Variants in CARS1 observed in about 807,000 individuals in gnomAD.
The protein encoded by CARS1 is cysteinyl-tRNA synthetase 1.
Under a neutral mutation model 106.2 loss-of-function variants are expected in CARS1, and 48 were observed. That is an observed-to-expected ratio of 0.45 (90% CI 0.36 to 0.57). CARS1 has a LOEUF of 0.57. CARS1 is among the 20% of genes least tolerant of loss of function. The probability of loss-of-function intolerance (pLI) is 0.00; values close to 1 mark genes in which losing one functional copy is unlikely to be tolerated. For missense variants in CARS1, 968 were observed against 1,057.2 expected (o/e 0.92, Z 1.17); for synonymous variants, 409 against 403.4 (o/e 1.01, Z -0.17).
In CARS1 at chr11:3,028,363, T is replaced by C. The variant is rs900867967; in HGVS notation, c.1031+633A>G. ...CCGGGCCCAGCTGTCTTCTCTTTTA[T>C]CTCTTTGTCTTGTGTCTTTATTTCT... On this transcript the variant is annotated intron_variant, in intron 9 of 22. Coordinates refer to ENST00000380525, the MANE Select transcript of CARS1 (RefSeq NM_001014437.3). This position sits in a 1 kb window ranked among gnomAD's most constrained non-coding sequence, Gnocchi z 4.4. 1.4e-5 allele frequency: 6 copies of C among 435,338 alleles called. No individual in the cohort carries two copies. The East Asian group carries it at 2.1e-4, about 15-fold the overall frequency. 27.0% of individuals were successfully genotyped at this position (435,338 alleles called of 1,614,324 possible). A position where few individuals can be genotyped will look rare whatever the true frequency, so the allele number is the denominator to read the frequency against.
At chr11:3,009,830 G>A (rs571159644) in intron 18 of CARS1, among the ~76,000 whole-genome samples, 4 of 152,214 alleles carry the variant, frequency 2.6e-5, no homozygotes, top group Non-Finnish European at 2.9e-5. Flanking sequence ...CCCTGAGCTT[G>A]TTATACACTC....
intron 18 of CARS1, among the ~76,000 whole-genome samples, chr11:3,010,768 TCCTCCGCCTCTCGGCC>T (rs1309016197): frequency 6.6e-6 from 1 of 152,222 alleles, no homozygotes; most frequent in African/African-American, 2.4e-5. Flanking sequence ...CAGATTCGGC[TCCTCCGCCTCTCGGCC>T]CCTCCACCCA....
At chr11:3,042,501 T>G (rs1256546201) in intron 2 of CARS1, among the ~76,000 whole-genome samples, 1 of 151,450 alleles carries the variant, frequency 6.6e-6, no homozygotes, top group Non-Finnish European at 1.5e-5. Context: ...CTCGGCTCAC[T>G]GCAAGCTCTG....
At position 3,022,216 on chromosome 11, in the gene CARS1, C is replaced by G. The variant is rs1851631638; in HGVS notation, c.1154-1884G>C. Among the ~76,000 whole-genome samples, 1 of 152,222 alleles carries G rather than the reference C, an allele frequency of 6.6e-6. No homozygotes were observed. Among genetic ancestry groups the G allele is most frequent in the Non-Finnish European group, 1.5e-5 (1 of 68,044 alleles). On this transcript the variant is annotated intron_variant, in intron 10 of 22. Coordinates refer to ENST00000380525, the MANE Select transcript of CARS1 (RefSeq NM_001014437.3). This position sits in a 1 kb window ranked among gnomAD's most constrained non-coding sequence, Gnocchi z 4.9. ...TGTTCCTAGCGATAGAATCTCTAAC[C>G]CTGGACCTTTTTACCAAGAACTGCT...
Position 3,039,112 on chromosome 11 carries a change from T to C in CARS1, c.651+82A>G, listed in dbSNP as rs1854071493. On this transcript the variant is annotated intron_variant, in intron 6 of 22. Transcript: ENST00000380525. This position sits in a 1 kb window ranked among gnomAD's most constrained non-coding sequence, Gnocchi z 5.6. ...TTGTGAAAGCCTGTGAGACTGACACTACCCTAGGGACAGTAGCCTACAAAG... is the reference window on the plus strand; with the variant it reads ...TTGTGAAAGCCTGTGAGACTGACACCACCCTAGGGACAGTAGCCTACAAAG... The C allele has an allele frequency of 2.4e-6, 2 of 847,762 alleles. No homozygotes were observed. The highest frequency in any genetic ancestry group is 1.7e-5 in the African/African-American group (1 of 58,938). 52.5% of individuals were successfully genotyped at this position (847,762 alleles called of 1,614,324 possible).
At position 3,048,237 on chromosome 11, in the gene CARS1, G is replaced by A; in HGVS notation, c.26-236C>T. ...CCTCTTGGGTGATGAAAATGCTTTG[G>A]AACTAGACAGAAATGAAGGCTGCAT... On this transcript the variant is annotated intron_variant, in intron 1 of 22. Coordinates refer to ENST00000380525, the MANE Select transcript of CARS1 (RefSeq NM_001014437.3). This position sits in a 1 kb window ranked among gnomAD's most constrained non-coding sequence, Gnocchi z 5.1. 1 of 490,974 alleles carries A rather than the reference G, an allele frequency of 2.0e-6. No homozygotes were observed. The highest frequency in any genetic ancestry group is 3.3e-5 in the South Asian group (1 of 30,030). 30.4% of individuals were successfully genotyped at this position (490,974 alleles called of 1,614,324 possible). A position where few individuals can be genotyped will look rare whatever the true frequency, so the allele number is the denominator to read the frequency against.
At chr11:3,011,325 G>A (rs889459028) in intron 18 of CARS1, among the ~76,000 whole-genome samples, 1 of 152,170 alleles carries the variant, frequency 6.6e-6, no homozygotes, top group Non-Finnish European at 1.5e-5. Context: ...TGAAGGAATG[G>A]CCAGGCGCGG....
rs1348950635 is a variant in CARS1, at chr11:3,028,550, GTGTATGATGGA to G, written c.1031+435_1031+445del. The stretch of plus-strand genomic sequence containing the variant: ...GATTGAGACAATACGGGCCAGGGAA[GTGTATGATGGA>G]TTTGCCAACAAAAAGTCACTAAAAT... On this transcript the variant is annotated intron_variant, in intron 9 of 22. Coordinates refer to ENST00000380525, the MANE Select transcript of CARS1 (RefSeq NM_001014437.3). This position sits in a 1 kb window ranked among gnomAD's most constrained non-coding sequence, Gnocchi z 4.4. 14 of 240,218 alleles carry G rather than the reference GTGTATGATGGA, an allele frequency of 5.8e-5. No homozygotes were observed. Among genetic ancestry groups the G allele is most frequent in the Non-Finnish European group, 3.9e-5 (5 of 126,650 alleles). The allele number at this position is 240,218 out of a possible 1,614,324, so 14.9% of individuals were successfully genotyped here.
rs1855813818 is a variant in CARS1, at chr11:3,052,653, C to T, written c.26-4652G>A. 6.6e-6 allele frequency among the ~76,000 whole-genome samples: 1 copy of T among 152,044 alleles called. No individual in the cohort carries two copies. The highest frequency in any genetic ancestry group is 1.5e-5 in the Non-Finnish European group (1 of 68,010). ...TCTCAGAGCAGAAAGGTGCTGGTGC[C>T]CAGGGAAGCACAGGAGAATGACAGG... On this transcript the variant is annotated intron_variant, in intron 1 of 22. Transcript: ENST00000380525. The surrounding 1 kb of genome is among the most constrained non-coding windows in gnomAD (Gnocchi z 4.6).
chr11:3,054,722 C>G (rs1412754640), intron 1 of CARS1, among the ~76,000 whole-genome samples: 2 of 152,238 alleles, frequency 1.3e-5, no homozygotes, highest in African/African-American at 4.8e-5. Flanking sequence ...CCGGCAGGAT[C>G]TTCCTCAAAG....
Position 3,029,454 on chromosome 11 carries a change from A to G in CARS1, c.802-11T>C, listed in dbSNP as rs748235531. 1 of 1,612,828 alleles carries G rather than the reference A, an allele frequency of 6.2e-7. No homozygotes were observed. The highest frequency in any genetic ancestry group is 8.5e-7 in the Non-Finnish European group (1 of 1,179,650). The stretch of plus-strand genomic sequence containing the variant: ...TTCTTCCAGCAACACCTGAAGAGAA[A>G]GAAACAAAAATCCAGCAGCGGGCCA... On this transcript the variant is annotated splice_polypyrimidine_tract_variant and intron_variant, in intron 7 of 22. Transcript: ENST00000380525. This position sits in a 1 kb window ranked among gnomAD's most constrained non-coding sequence, Gnocchi z 5.9.
At position 3,053,586 on chromosome 11, in the gene CARS1, T is replaced by C. The variant is rs2134322089; in HGVS notation, c.25+3757A>G. On this transcript the variant is annotated intron_variant, in intron 1 of 22. Transcript: ENST00000380525. The surrounding 1 kb of genome is among the most constrained non-coding windows in gnomAD (Gnocchi z 6.6). ...CCCTGTTTCTCTTCCTGCGTTCCCT[T>C]GAGGCTCTCCCAGGTCCACTCCAGG... Among the ~76,000 whole-genome samples, 2 of 152,202 alleles carry C rather than the reference T, an allele frequency of 1.3e-5. No individual in the cohort carries two copies. The highest frequency in any genetic ancestry group is 3.9e-4 in the East Asian group (2 of 5,180).
intron 2 of CARS1, among the ~76,000 whole-genome samples, chr11:3,042,757 C>G (rs545885291): frequency 1.1e-4 from 17 of 152,312 alleles, no homozygotes; most frequent in Admixed American, 1.0e-3. Flanking sequence ...GAACCTCCCC[C>G]ACCCAGGATC....
chr11:3,049,466 G>T (rs557878497), intron 1 of CARS1, among the ~76,000 whole-genome samples: 2 of 152,248 alleles, frequency 1.3e-5, no homozygotes, highest in African/African-American at 4.8e-5. Context: ...TCCCTAAAGT[G>T]GGGGCAGACC....
rs201777236 is a variant in CARS1, at chr11:3,047,810, T to G, written c.217A>C (p.Ile73Leu). ...CAGGGGCTACCCAGGAGCGCTTCTATGTGCCTGAACCACCGAGCCACGTGG... is the reference window on the plus strand; with the variant it reads ...CAGGGGCTACCCAGGAGCGCTTCTAGGTGCCTGAACCACCGAGCCACGTGG... ...LFHVARWFRHIEALLGSPCGK... is the reference protein window; with the variant it reads ...LFHVARWFRHLEALLGSPCGK... The change falls in exon 2 of 23, where the codon ATA (isoleucine) becomes CTA (leucine). Residue 73 changes from isoleucine (I) to leucine (L), a missense_variant. Coordinates refer to ENST00000380525, the MANE Select transcript of CARS1 (RefSeq NM_001014437.3). 3.7e-6 allele frequency: 6 copies of G among 1,614,048 alleles called. No individual in the cohort carries two copies. Among genetic ancestry groups the G allele is most frequent in the Admixed American group, 3.3e-5 (2 of 60,026 alleles).
In CARS1 at chr11:3,001,828, G is replaced by A. The variant is rs1475285629; in HGVS notation, c.2361+142C>T. The A allele has an allele frequency of 5.4e-6, 4 of 745,094 alleles. No homozygotes were observed. The East Asian group carries it at 9.8e-5, about 18-fold the overall frequency. The allele number at this position is 745,094 out of a possible 1,614,324, so 46.2% of individuals were successfully genotyped here. A position where few individuals can be genotyped will look rare whatever the true frequency, so the allele number is the denominator to read the frequency against. On this transcript the variant is annotated intron_variant, in intron 22 of 22. Transcript: ENST00000380525. ...TCAGTAGTTGGGCCAGGAGGCCCTG[G>A]ACCTAAAGCGGGTGTCAGATTTGAT... is the stretch of plus-strand genomic sequence containing the variant.
At chr11:3,013,025 G>C (rs566686890) in intron 17 of CARS1, among the ~76,000 whole-genome samples, 3 of 151,906 alleles carry the variant, frequency 2.0e-5, no homozygotes, top group African/African-American at 7.2e-5. Context: ...GAGTAGCTGG[G>C]ATTACAGGCA....
intron 18 of CARS1, among the ~76,000 whole-genome samples, chr11:3,010,948 G>T (rs948776903): frequency 6.6e-6 from 1 of 152,184 alleles, no homozygotes; most frequent in Non-Finnish European, 1.5e-5. Context: ...TGGATCCTAG[G>T]TCAGACTTCC....
At chr11:3,013,491 G>C (rs1300356647) in intron 17 of CARS1, among the ~76,000 whole-genome samples, 1 of 152,106 alleles carries the variant, frequency 6.6e-6, no homozygotes, top group Non-Finnish European at 1.5e-5. Context: ...AAGGTTTTAG[G>C]CTTTTGAGCA....
Sources: gnomAD v4.1 joint callset for allele counts (sites outside exome capture counted in the v4.1 genomes callset) on GRCh38, gnomAD v4.1.1 for gene constraint, Gnocchi (gnomAD v3.1) non-coding constraint, MANE v1.5 for transcripts, NCBI Gene and HGNC (gene_info 2026-07-23, HGNC 2026-07-21) for gene names.